IMMT: variants seen among roughly 807,000 people sequenced by gnomAD.
The protein encoded by IMMT is inner membrane mitochondrial protein.
A neutral mutation model predicts 92.7 loss-of-function variants in IMMT; 40 were observed. The observed-to-expected ratio is 0.43, with a 90% CI of 0.34 to 0.56. The LOEUF (loss-of-function observed/expected upper bound fraction) is 0.56, where lower values mean the gene tolerates loss of function less well. Among genes scored for constraint, IMMT ranks in the 20% least tolerant of loss-of-function variants. The pLI is 0.03. For missense variants in IMMT, 831 were observed against 912.1 expected (o/e 0.91, Z 1.14); for synonymous variants, 322 against 336.1 (o/e 0.96, Z 0.46).
At chr2:86,164,172 G>A (rs1053703381) in intron 7 of IMMT, among the ~76,000 whole-genome samples, 3 of 142,762 alleles carry the variant, frequency 2.1e-5, no homozygotes, top group Non-Finnish European at 3.0e-5. Context: ...ATTCTCCTGC[G>A]TCAGTCTCCC....
Position 86,160,669 on chromosome 2 carries a change from ATGTAGGTT to A in IMMT, c.897-1006_897-999del, listed in dbSNP as rs537767187. On this transcript the variant is annotated intron_variant, in intron 8 of 14. Transcript: ENST00000410111. ...ACTGCTGATGAGGATCTTTAGTCAA[ATGTAGGTT>A]TCCATCAACAGAGGTTGATCTTATA... Among the ~76,000 whole-genome samples the A allele has an allele frequency of 1.6e-4, 24 of 152,304 alleles. No homozygotes were observed. The East Asian group carries it at 4.6e-3, about 29-fold the overall frequency.
intron 4 of IMMT, among the ~76,000 whole-genome samples, chr2:86,172,967 C>G (rs1413763828): frequency 6.6e-6 from 1 of 152,194 alleles, no homozygotes; most frequent in Admixed American, 6.5e-5. Flanking sequence ...TATTTCCTCT[C>G]CGCACCCAAT....
chr2:86,173,071 A>C (rs1677207507), intron 4 of IMMT, among the ~76,000 whole-genome samples: 2 of 152,228 alleles, frequency 1.3e-5, no homozygotes, highest in African/African-American at 4.8e-5. Context: ...AAAGACAGTA[A>C]ATTTCTGCTG....
intron 13 of IMMT, among the ~76,000 whole-genome samples, 199 bp from the exon 14 acceptor site, chr2:86,146,396 GAAT>G (rs1675017671): frequency 6.6e-6 from 1 of 150,488 alleles, no homozygotes; most frequent in African/African-American, 2.4e-5. Flanking sequence ...TTTTGAGATG[GAAT>G]CTTGCTTTAT....
chr2:86,171,662 G>T (rs12477274), intron 4 of IMMT: 80,583 of 207,604 alleles, frequency 0.39, 18,615 homozygotes, highest in Non-Finnish European at 0.51. Context: ...ATTTACACAT[G>T]GAAAAAGAGT....
At position 86,193,006 on chromosome 2, in the gene IMMT, C is replaced by T. The variant is rs1056784446; in HGVS notation, c.45+2332G>A. The stretch of plus-strand genomic sequence containing the variant: ...TCCAAAGAGCATGACCTCATGTTTG[C>T]CTTTTAAAAAGCCTTTTACTAAATG... On this transcript the variant is annotated intron_variant, in intron 1 of 14. Coordinates refer to ENST00000410111, the MANE Select transcript of IMMT (RefSeq NM_006839.3). 5.2e-5 allele frequency: 8 copies of T among 153,732 alleles called. No individual in the cohort carries two copies. In the Admixed American group the frequency reaches 5.2e-4, roughly 10 times the overall value. The allele number at this position is 153,732 out of a possible 1,614,324, so 9.5% of individuals were successfully genotyped here. A position where few individuals can be genotyped will look rare whatever the true frequency, so the allele number is the denominator to read the frequency against.
chr2:86,169,002 G>A (rs1558827458), intron 6 of IMMT, among the ~76,000 whole-genome samples: 1 of 152,174 alleles, frequency 6.6e-6, no homozygotes, highest in Non-Finnish European at 1.5e-5. Context: ...GCTGCTTCCA[G>A]CCCTCTTCAG....
chr2:86,151,772 G>A (rs1043847470), intron 11 of IMMT, among the ~76,000 whole-genome samples: 1 of 152,084 alleles, frequency 6.6e-6, no homozygotes, highest in Non-Finnish European at 1.5e-5. Flanking sequence ...CTTTTAATCT[G>A]AACTAATTAT....
At chr2:86,172,607 C>T (rs913703214) in intron 4 of IMMT, among the ~76,000 whole-genome samples, 21 of 152,330 alleles carry the variant, frequency 1.4e-4, no homozygotes, top group South Asian at 8.3e-4. Flanking sequence ...TGCGGGATTA[C>T]AGGCATGAGC....
At chr2:86,178,974 A>G (rs149670960) in intron 3 of IMMT, among the ~76,000 whole-genome samples, 1 of 152,334 alleles carries the variant, frequency 6.6e-6, no homozygotes, top group East Asian at 1.9e-4. Flanking sequence ...AGGCAGGAGA[A>G]TCGCTTGAAC....
chr2:86,159,175 T>A, intron 9 of IMMT: 1 of 321,482 alleles, frequency 3.1e-6, no homozygotes, highest in Non-Finnish European at 6.0e-6. Context: ...AGCCTCAACC[T>A]CCCAGGCCCA....
At chr2:86,181,478 AC>A in intron 1 of IMMT, 106 bp from the exon 2 acceptor site, 1 of 750,290 alleles carries the variant, frequency 1.3e-6, no homozygotes, top group Non-Finnish European at 2.2e-6. Flanking sequence ...TCTTCATTAA[AC>A]AAAAAATTAC....
chr2:86,167,484 GTT>G (rs66768832), intron 6 of IMMT, among the ~76,000 whole-genome samples: 32,988 of 120,212 alleles, frequency 0.27, 4,202 homozygotes, highest in East Asian at 0.55. Flanking sequence ...TTTGTTTTTT[GTT>G]TTTTTTTTTT....
intron 4 of IMMT, among the ~76,000 whole-genome samples, chr2:86,172,034 T>G (rs1292362443): frequency 6.7e-6 from 1 of 149,338 alleles, no homozygotes; most frequent in Non-Finnish European, 1.5e-5. Flanking sequence ...GGCACTATCA[T>G]GGCTCACTGC....
chr2:86,152,903 CA>C (rs1378361070), intron 11 of IMMT, among the ~76,000 whole-genome samples: 1 of 151,562 alleles, frequency 6.6e-6, no homozygotes, highest in Non-Finnish European at 1.5e-5. Context: ...CATTGAAAAG[CA>C]AAAAACAAAA....
rs1255462189 is a variant in IMMT at position 86,181,287 on chromosome 2, C to A, written c.119+12G>T. The A allele has an allele frequency of 6.2e-7, 1 of 1,604,154 alleles. No homozygotes were observed. The highest frequency in any genetic ancestry group is 1.3e-5 in the African/African-American group (1 of 74,680). On this transcript the variant is annotated intron_variant, in intron 2 of 14. Coordinates refer to ENST00000410111, the MANE Select transcript of IMMT (RefSeq NM_006839.3). ...AGTGAAAAGCCTGGTTATAGGGAGA[C>A]ATAATACATACCCAGAGCTGCCTGA...
rs147002793 is a variant in IMMT, at chr2:86,187,400, T to G, written c.46-6028A>C. Among the ~76,000 whole-genome samples, 3 of 152,364 alleles carry G rather than the reference T, an allele frequency of 2.0e-5. No individual in the cohort carries two copies. The South Asian group carries it at 6.2e-4, about 32-fold the overall frequency. ...TATCACATATGTAGCTTGTACTTCA[T>G]TCCTTTTTATGGCTGAATCTAATAT... On this transcript the variant is annotated intron_variant, in intron 1 of 14. Coordinates refer to ENST00000410111, the MANE Select transcript of IMMT (RefSeq NM_006839.3).
intron 14 of IMMT, among the ~76,000 whole-genome samples, chr2:86,145,223 A>G (rs1391022750): frequency 6.6e-6 from 1 of 151,782 alleles, no homozygotes; most frequent in Non-Finnish European, 1.5e-5. Flanking sequence ...GGCCAGGCAC[A>G]ATGGCTCATG....
chr2:86,181,365 A>C lies in IMMT; in HGVS notation c.53T>G (p.Leu18Arg). The change falls in exon 2 of 15, where the codon CTC becomes CGC. Residue 18 changes from leucine (L) to arginine (R), a missense_variant. Coordinates refer to ENST00000410111, the MANE Select transcript of IMMT (RefSeq NM_006839.3). Reference sequence around the variant, plus strand: ...TGGACGGAGGACAAACTTCCCACAGAGACAACTCTAAAGAAGGAAAACACA... The same window carrying C: ...TGGACGGAGGACAAACTTCCCACAGCGACAACTCTAAAGAAGGAAAACACA... ...SGVTAAAQSC[L>R]CGKFVLRPLR... The C allele has an allele frequency of 6.2e-7, 1 of 1,613,398 alleles. No individual in the cohort carries two copies. The highest frequency in any genetic ancestry group is 8.5e-7 in the Non-Finnish European group (1 of 1,179,372).
Sources: gnomAD v4.1 joint callset for allele counts (sites outside exome capture counted in the v4.1 genomes callset) on GRCh38, gnomAD v4.1.1 for gene constraint, MANE v1.5 for transcripts, NCBI Gene and HGNC (gene_info 2026-07-23, HGNC 2026-07-21) for gene names.